The following FCHSD2 variants were observed in gnomAD, a reference collection of about 807,000 sequenced individuals.
The protein encoded by FCHSD2 is F-BAR and double SH3 domains protein 2.
FCHSD2 carries 38 observed loss-of-function variants against 108.1 expected under a neutral mutation model. The ratio of observed to expected loss-of-function variants is 0.35; its 90% CI spans 0.27 to 0.46. The LOEUF (loss-of-function observed/expected upper bound fraction) is 0.46. Among genes scored for constraint, FCHSD2 ranks in the 20% least tolerant of loss-of-function variants. The pLI, the probability that FCHSD2 is intolerant of heterozygous loss-of-function variation, is 1.00. For synonymous variants in FCHSD2, 279 were observed against 314.7 expected, an observed-to-expected ratio of 0.89 and a Z score of 1.20; for missense variants, 751 against 897.8, an observed-to-expected ratio of 0.84 and a Z score of 2.09.
intron 3 of FCHSD2, among the ~76,000 whole-genome samples, chr11:73,053,124 G>A (rs902759777): frequency 6.7e-6 from 1 of 149,646 alleles, no homozygotes; most frequent in Non-Finnish European, 1.5e-5. Context: ...GGGATTACAG[G>A]AGTGAGCCAC....
chr11:73,124,154 G>C (rs1357633766), intron 2 of FCHSD2, among the ~76,000 whole-genome samples: 3 of 152,126 alleles, frequency 2.0e-5, no homozygotes, highest in Non-Finnish European at 4.4e-5. Context: ...GCAAACTATT[G>C]CAAGGACAGA....
At chr11:73,103,236 T>C (rs1229784180) in intron 2 of FCHSD2, among the ~76,000 whole-genome samples, 3 of 152,190 alleles carry the variant, frequency 2.0e-5, no homozygotes, top group African/African-American at 2.4e-5. Flanking sequence ...ATGGATTTTA[T>C]TGTATGCAAA....
chr11:73,008,964 C>A (rs191710517), intron 4 of FCHSD2, among the ~76,000 whole-genome samples: 6 of 150,766 alleles, frequency 4.0e-5, no homozygotes, highest in East Asian at 1.9e-4. Flanking sequence ...AATAAGCTTA[C>A]TTAAAAGTCA....
intron 2 of FCHSD2, among the ~76,000 whole-genome samples, chr11:73,084,310 C>T (rs1237256973): frequency 6.6e-6 from 1 of 152,160 alleles, no homozygotes; most frequent in Non-Finnish European, 1.5e-5. Context: ...TGTACAAGGC[C>T]ACTACAAATT....
At chr11:73,119,738 T>A (rs1043197899) in intron 2 of FCHSD2, among the ~76,000 whole-genome samples, 1 of 152,186 alleles carries the variant, frequency 6.6e-6, no homozygotes, top group South Asian at 2.1e-4. Context: ...TAAACTAGCA[T>A]ACCTGGCCTA....
intron 2 of FCHSD2, among the ~76,000 whole-genome samples, chr11:73,129,739 C>T (rs1157708347): frequency 5.9e-5 from 9 of 152,162 alleles, no homozygotes. Context: ...CCTGACCCCA[C>T]CCGCAGTCCA....
intron 2 of FCHSD2, among the ~76,000 whole-genome samples, chr11:73,097,224 AAAC>A (rs2135529031): frequency 6.6e-6 from 1 of 151,066 alleles, no homozygotes; most frequent in South Asian, 2.1e-4. Context: ...GGCTGGTCTT[AAAC>A]TTCTGAGCTC....
chr11:72,917,830 G>C (rs1031890531), intron 9 of FCHSD2, among the ~76,000 whole-genome samples: 1 of 152,060 alleles, frequency 6.6e-6, no homozygotes, highest in East Asian at 1.9e-4. Context: ...GGAGGTTGCA[G>C]TGAGCTGAGC....
In FCHSD2 at chr11:72,858,841, G is replaced by A. The variant is rs184457700; in HGVS notation, c.1309-8952C>T. Among the ~76,000 whole-genome samples, 19 of 152,220 alleles carry A rather than the reference G, an allele frequency of 1.2e-4. No homozygotes were observed. In the Middle Eastern group the frequency reaches 0.02, roughly 164 times the overall value. ...GCTTCCAGGCAAGATGGAGTATCAG[G>A]GATCAGATTTAACCTCCTGTCAGAA... On this transcript the variant is annotated intron_variant, in intron 13 of 19. Coordinates refer to ENST00000409418, the MANE Select transcript of FCHSD2 (RefSeq NM_014824.3).
intron 12 of FCHSD2, among the ~76,000 whole-genome samples, chr11:72,872,383 C>T (rs1854880786): frequency 6.6e-6 from 1 of 150,864 alleles, no homozygotes; most frequent in Admixed American, 6.6e-5. Flanking sequence ...ACCATCACCA[C>T]AGTCAAATTT....
intron 8 of FCHSD2, among the ~76,000 whole-genome samples, chr11:72,972,910 T>C (rs1857033964): frequency 6.6e-6 from 1 of 152,150 alleles, no homozygotes; most frequent in African/African-American, 2.4e-5. Context: ...ATAAAAGGAT[T>C]GTAAGCTGGC....
chr11:72,838,573 A>G lies in FCHSD2; in HGVS notation c.*218T>C, dbSNP rs1027943994. On this transcript the variant is annotated 3_prime_UTR_variant, in exon 20 of 20. Coordinates refer to ENST00000409418, the MANE Select transcript of FCHSD2 (RefSeq NM_014824.3). Reference sequence around the variant, plus strand: ...CCTAGGGTCCGCTAGGATTTGTGCTATGGTAGGAGAAATGACATAGAAAAT... The same window carrying G: ...CCTAGGGTCCGCTAGGATTTGTGCTGTGGTAGGAGAAATGACATAGAAAAT... 1 of 573,720 alleles carries G rather than the reference A, an allele frequency of 1.7e-6. No homozygotes were observed. Among genetic ancestry groups the G allele is most frequent in the Non-Finnish European group, 3.1e-6 (1 of 320,234 alleles). The allele number at this position is 573,720 out of a possible 1,614,324, so 35.5% of individuals were successfully genotyped here.
chr11:72,959,577 C>T (rs1192467149), intron 8 of FCHSD2, among the ~76,000 whole-genome samples: 2 of 151,946 alleles, frequency 1.3e-5, no homozygotes, highest in African/African-American at 2.4e-5. Context: ...ACTCTGAGAC[C>T]GTCAATTTAG....
intron 2 of FCHSD2, among the ~76,000 whole-genome samples, chr11:73,125,579 T>C (rs778973074): frequency 6.6e-6 from 1 of 151,958 alleles, no homozygotes; most frequent in African/African-American, 2.4e-5. Flanking sequence ...GTGGCACACA[T>C]CTGTAGTCTG....
At chr11:73,007,130 T>C (rs1237098824) in intron 4 of FCHSD2, among the ~76,000 whole-genome samples, 1 of 152,252 alleles carries the variant, frequency 6.6e-6, no homozygotes, top group Admixed American at 6.5e-5. Flanking sequence ...TAAACTAAAA[T>C]ATATGTATCT....
chr11:72,852,255 G>A (rs1302297397), intron 13 of FCHSD2, among the ~76,000 whole-genome samples: 2 of 152,122 alleles, frequency 1.3e-5, no homozygotes, highest in African/African-American at 2.4e-5. Flanking sequence ...AAAAAGGGAC[G>A]CTTATACACT....
chr11:73,071,667 C>T (rs919928258), intron 3 of FCHSD2, among the ~76,000 whole-genome samples: 1 of 152,020 alleles, frequency 6.6e-6, no homozygotes, highest in Non-Finnish European at 1.5e-5. Context: ...TGTCACTGCA[C>T]TCCAGCCTGG....
intron 3 of FCHSD2, among the ~76,000 whole-genome samples, chr11:73,033,574 T>C (rs1449274836): frequency 6.6e-6 from 1 of 152,154 alleles, no homozygotes; most frequent in Non-Finnish European, 1.5e-5. Context: ...CACAAGAATA[T>C]TCCTCTAACA....
intron 2 of FCHSD2, among the ~76,000 whole-genome samples, chr11:73,105,588 A>G (rs190145498): frequency 3.3e-5 from 5 of 152,346 alleles, no homozygotes; most frequent in African/African-American, 1.2e-4. Context: ...TCTACAAAAT[A>G]TACTTACTAG....
Sources: gnomAD v4.1 joint callset for allele counts (sites outside exome capture counted in the v4.1 genomes callset) on GRCh38, gnomAD v4.1.1 for gene constraint, MANE v1.5 for transcripts, NCBI Gene and HGNC (gene_info 2026-07-23, HGNC 2026-07-21) for gene names.